The following KAT6B variants were observed in gnomAD, a reference collection of about 807,000 sequenced individuals.
KAT6B encodes histone acetyltransferase KAT6B.
In KAT6B, 10 loss-of-function variants were observed where a neutral mutation model predicts 187.5. That is an observed-to-expected ratio of 0.05 (90% confidence interval 0.03 to 0.09). KAT6B has a LOEUF of 0.09. Among genes scored for constraint, KAT6B ranks in the 10% least tolerant of loss-of-function variants. The pLI, the probability that KAT6B is intolerant of heterozygous loss-of-function variation, is 1.00. For synonymous variants in KAT6B, 861 were observed against 926.8 expected (o/e 0.93, Z 1.29); for missense variants, 1,952 against 2,558.9 (o/e 0.76, Z 5.12).
chr10:74,973,194 G>A (rs1308901483), intron 7 of KAT6B, among the ~76,000 whole-genome samples: 1 of 152,154 alleles, frequency 6.6e-6, no homozygotes, highest in Non-Finnish European at 1.5e-5. Context: ...CACTAGTGCA[G>A]ACATATATAT....
intron 3 of KAT6B, among the ~76,000 whole-genome samples, chr10:74,857,623 G>A (rs962162698): frequency 6.6e-6 from 1 of 152,192 alleles, no homozygotes; most frequent in Non-Finnish European, 1.5e-5. Flanking sequence ...TATTTTGCCT[G>A]CCACACAGGG....
intron 3 of KAT6B, among the ~76,000 whole-genome samples, chr10:74,847,603 G>T (rs1039928187): frequency 1.3e-5 from 2 of 151,974 alleles, no homozygotes; most frequent in East Asian, 1.9e-4. Context: ...GGCAGAGATT[G>T]CAGTGAGCCG....
intron 17 of KAT6B, 139 bp downstream of exon 17, chr10:75,025,388 C>T: frequency 1.3e-6 from 1 of 754,702 alleles, no homozygotes. Flanking sequence ...CCCATCTGCC[C>T]TTTCCCATCC....
chr10:74,962,629 C>T (rs557663352), intron 4 of KAT6B, among the ~76,000 whole-genome samples: 1 of 152,318 alleles, frequency 6.6e-6, no homozygotes, highest in South Asian at 2.1e-4. Context: ...GAGGATCATT[C>T]TTAAATGTGT....
intron 3 of KAT6B, among the ~76,000 whole-genome samples, chr10:74,914,807 T>G (rs1301374765): frequency 1.3e-5 from 2 of 152,284 alleles, no homozygotes; most frequent in East Asian, 1.9e-4. Context: ...TCCCAGCTTT[T>G]TGGCTGGGTG....
At chr10:74,880,930 C>CTTTTTTTTTT (rs111285977) in intron 3 of KAT6B, among the ~76,000 whole-genome samples, 2 of 144,560 alleles carry the variant, frequency 1.4e-5, no homozygotes, top group African/African-American at 5.1e-5. Flanking sequence ...CTTACTCTCT[C>CTTTTTTTTTT]TTTTTTTTTT....
chr10:74,852,789 A>G (rs1426011414), intron 3 of KAT6B, among the ~76,000 whole-genome samples: 1 of 152,148 alleles, frequency 6.6e-6, no homozygotes, highest in African/African-American at 2.4e-5. Flanking sequence ...TCTTAGATAG[A>G]TTTGATAGTT....
chr10:74,882,560 T>G (rs920405030), intron 3 of KAT6B, among the ~76,000 whole-genome samples: 1 of 152,268 alleles, frequency 6.6e-6, no homozygotes, highest in African/African-American at 2.4e-5. Flanking sequence ...AATAAACCTT[T>G]CTTTGTTAAA....
intron 3 of KAT6B, among the ~76,000 whole-genome samples, chr10:74,872,696 T>TC (rs560396660): frequency 8.0e-4 from 121 of 151,878 alleles, no homozygotes; most frequent in African/African-American, 2.8e-3. Flanking sequence ...TTTTTTTTTT[T>TC]TGTAGAGAGG....
At chr10:74,927,973 GA>G (rs1848621269) in intron 3 of KAT6B, among the ~76,000 whole-genome samples, 1 of 152,092 alleles carries the variant, frequency 6.6e-6, no homozygotes, top group South Asian at 2.1e-4. Flanking sequence ...AGTGCTCCAG[GA>G]AAAAGAAATG....
chr10:74,826,437 C>T (rs1316420582), upstream of KAT6B, among the ~76,000 whole-genome samples: 1 of 152,036 alleles, frequency 6.6e-6, no homozygotes, highest in Non-Finnish European at 1.5e-5. Flanking sequence ...GCGAGATGAC[C>T]GGCAGGAACC....
At chr10:74,912,550 CT>C (rs1278336664) in intron 3 of KAT6B, among the ~76,000 whole-genome samples, 3 of 152,090 alleles carry the variant, frequency 2.0e-5, no homozygotes, top group Non-Finnish European at 4.4e-5. Flanking sequence ...GTATTTAGCT[CT>C]CTGTCTGTAT....
At chr10:74,855,170 C>T (rs752900395) in intron 3 of KAT6B, among the ~76,000 whole-genome samples, 24 of 152,128 alleles carry the variant, frequency 1.6e-4, no homozygotes, top group Admixed American at 3.3e-4. Context: ...TAATTTCTTC[C>T]GTCTTCTTTG....
intron 13 of KAT6B, among the ~76,000 whole-genome samples, chr10:74,993,688 T>C (rs1434132313): frequency 6.6e-6 from 1 of 152,230 alleles, no homozygotes; most frequent in African/African-American, 2.4e-5. Context: ...TAATCTGGAA[T>C]AGTACCTGCT....
chr10:74,903,555 G>A (rs571179866), intron 3 of KAT6B, among the ~76,000 whole-genome samples: 6 of 152,284 alleles, frequency 3.9e-5, no homozygotes, highest in African/African-American at 1.4e-4. Context: ...TCCTACAACC[G>A]CTAGGAACCG....
chr10:75,025,389 T>A (rs1451915706), intron 17 of KAT6B, 140 bp downstream of exon 17: 16 of 754,548 alleles, frequency 2.1e-5, no homozygotes, highest in East Asian at 1.3e-4. Flanking sequence ...CCATCTGCCC[T>A]TTCCCATCCT....
At chr10:74,892,149 C>T (rs1406093945) in intron 3 of KAT6B, among the ~76,000 whole-genome samples, 1 of 152,208 alleles carries the variant, frequency 6.6e-6, no homozygotes, top group Non-Finnish European at 1.5e-5. Context: ...AGGAGGATCA[C>T]TTGAGCCCAG....
intron 3 of KAT6B, among the ~76,000 whole-genome samples, chr10:74,924,147 A>G (rs1848330266): frequency 6.6e-6 from 1 of 152,144 alleles, no homozygotes; most frequent in African/African-American, 2.4e-5. Flanking sequence ...AAGGGGAGAG[A>G]TGGCCATGGT....
intron 13 of KAT6B, among the ~76,000 whole-genome samples, chr10:74,994,822 G>A (rs1211174906): frequency 6.6e-6 from 1 of 151,362 alleles, no homozygotes; most frequent in African/African-American, 2.4e-5. Flanking sequence ...AAAAAAAAAT[G>A]GAGGAAACCA....
Sources: gnomAD v4.1 joint callset for allele counts (sites outside exome capture counted in the v4.1 genomes callset) on GRCh38, gnomAD v4.1.1 for gene constraint, MANE v1.5 for transcripts, NCBI Gene and HGNC (gene_info 2026-07-23, HGNC 2026-07-21) for gene names.